The following SCOC variants were observed in gnomAD, a reference collection of about 807,000 sequenced individuals.
The protein encoded by SCOC is short coiled-coil protein.
Under a neutral mutation model 9.9 loss-of-function variants are expected in SCOC, and 7 were observed. That is an observed-to-expected ratio of 0.71 (90% CI 0.40 to 1.33). SCOC has a LOEUF of 1.33. Ranked by LOEUF, SCOC falls within the 40% of genes most tolerant of loss-of-function variation. The pLI is 0.01. For missense variants in SCOC, 66 were observed against 89.7 expected, an observed-to-expected ratio of 0.74 and a Z score of 1.07; for synonymous variants, 19 against 28.2, an observed-to-expected ratio of 0.67 and a Z score of 1.03.
In SCOC at chr4:140,348,577, C is replaced by CACACACACAT. The variant is rs78917681; in HGVS notation, c.70+4869_70+4870insACACACACAT. Among the ~76,000 whole-genome samples the CACACACACAT allele has an allele frequency of 8.2e-3, 1,234 of 151,282 alleles. 14 individuals are homozygous for CACACACACAT. Among genetic ancestry groups the CACACACACAT allele is most frequent in the African/African-American group, 0.029 (1,199 of 41,174 alleles). On this transcript the variant is annotated intron_variant, in intron 2 of 4. Coordinates refer to the SCOC transcript ENST00000338517. The stretch of plus-strand genomic sequence containing the variant: ...GTGTGTATATATATGTATATATATA[C>CACACACACAT]GCACACACACACACATCACATTTTC...
At chr4:140,261,677 G>A (rs1305114375) in intron 1 of SCOC, among the ~76,000 whole-genome samples, 2 of 152,234 alleles carry the variant, frequency 1.3e-5, no homozygotes, top group Non-Finnish European at 2.9e-5. Context: ...GATGCATCAT[G>A]TACCAGTTAC....
intron 1 of SCOC, among the ~76,000 whole-genome samples, chr4:140,270,378 G>A (rs1560675824): frequency 6.6e-6 from 1 of 152,022 alleles, no homozygotes; most frequent in Non-Finnish European, 1.5e-5. Context: ...TTATCACCCA[G>A]GCTAGAATGC....
At chr4:140,337,579 C>A (rs1246339895) in intron 1 of SCOC, among the ~76,000 whole-genome samples, 1 of 151,824 alleles carries the variant, frequency 6.6e-6, no homozygotes, top group Non-Finnish European at 1.5e-5. Context: ...AATGTAGAGA[C>A]AAGAATCAAA....
intron 2 of SCOC, among the ~76,000 whole-genome samples, chr4:140,356,841 CTATT>C (rs1004182558): frequency 4.6e-5 from 7 of 152,136 alleles, no homozygotes; most frequent in African/African-American, 7.2e-5. Context: ...TCACATCAAA[CTATT>C]TATTTATTTA....
At chr4:140,270,432 C>G (rs924807738) in intron 1 of SCOC, among the ~76,000 whole-genome samples, 3 of 152,126 alleles carry the variant, frequency 2.0e-5, no homozygotes, top group Non-Finnish European at 4.4e-5. Context: ...CTTCCAGGCT[C>G]AAGGGATCCT....
Position 140,362,147 on chromosome 4 carries a change from CATATCT to C in SCOC, c.71-16973_71-16968del, listed in dbSNP as rs138791079. 1.7e-3 allele frequency among the ~76,000 whole-genome samples: 258 copies of C among 151,478 alleles called. 2 individuals carry two copies. The East Asian group carries it at 0.042, about 25-fold the overall frequency. ...TGAAGAAGGAAAGAGAGAGCCTGGC[CATATCT>C]TTGCTTCACACTGGGCATGATTTGC... On this transcript the variant is annotated intron_variant, in intron 2 of 4. Coordinates refer to the SCOC transcript ENST00000338517.
intron 1 of SCOC, among the ~76,000 whole-genome samples, chr4:140,334,563 T>C (rs1272324964): frequency 6.6e-6 from 1 of 152,186 alleles, no homozygotes; most frequent in African/African-American, 2.4e-5. Context: ...GAAACTGTTT[T>C]TTTTCCTAAT....
chr4:140,367,211 TG>T (rs766440345), intron 2 of SCOC, among the ~76,000 whole-genome samples: 16 of 151,994 alleles, frequency 1.1e-4, no homozygotes, highest in Middle Eastern at 6.8e-3. Context: ...CACACCAGCC[TG>T]GGTGACAGAG....
chr4:140,362,142 C>T (rs1025431989), intron 2 of SCOC, among the ~76,000 whole-genome samples: 1 of 151,380 alleles, frequency 6.6e-6, no homozygotes, highest in Non-Finnish European at 1.5e-5. Context: ...AAGAGAGAGC[C>T]TGGCCATATC....
At chr4:140,355,707 C>T (rs1016919547) in intron 2 of SCOC, among the ~76,000 whole-genome samples, 4 of 152,144 alleles carry the variant, frequency 2.6e-5, no homozygotes, top group Non-Finnish European at 4.4e-5. Flanking sequence ...AGCCCAGAGG[C>T]TCTCTACCAA....
intron 1 of SCOC, among the ~76,000 whole-genome samples, chr4:140,262,163 G>A (rs1263252908): frequency 2.6e-5 from 4 of 152,140 alleles, no homozygotes; most frequent in African/African-American, 4.8e-5. Flanking sequence ...AGTTTGACCA[G>A]GGTCTCTATT....
In SCOC at chr4:140,272,997, A is replaced by G. The variant is rs6831581; in HGVS notation, c.-19+15587A>G. 3.2e-3 allele frequency among the ~76,000 whole-genome samples: 486 copies of G among 152,324 alleles called. 3 individuals carry two copies. The highest frequency in any genetic ancestry group is 0.011 in the African/African-American group (465 of 41,574). On this transcript the variant is annotated intron_variant, in intron 1 of 4. Coordinates refer to the SCOC transcript ENST00000394205. ...CTGTTTCTAACCTTCCGCCATGTTC[A>G]GAGAAAACAAACACCCAGCTCTTCT...
chr4:140,346,512 A>G (rs1181276519), intron 2 of SCOC, among the ~76,000 whole-genome samples: 2 of 152,130 alleles, frequency 1.3e-5, no homozygotes, highest in Non-Finnish European at 2.9e-5. Context: ...AAGGCGAGAG[A>G]AAGGAGAAGG....
intron 2 of SCOC, among the ~76,000 whole-genome samples, chr4:140,362,322 G>C (rs1204203899): frequency 2.5e-4 from 1 of 4,080 alleles, no homozygotes; most frequent in Non-Finnish European, 5.1e-4. Flanking sequence ...TTTTGTGAGA[G>C]TCTCGCTCTG....
chr4:140,348,639 A>G (rs972784814), intron 2 of SCOC, among the ~76,000 whole-genome samples: 1 of 152,044 alleles, frequency 6.6e-6, no homozygotes, highest in East Asian at 1.9e-4. Context: ...GGTTGTTTCC[A>G]TATCTTGGCT....
At position 140,379,738 on chromosome 4, in the gene SCOC, G is replaced by A. The variant is rs1289032879; in HGVS notation, c.106+86G>A. The A allele has an allele frequency of 1.3e-5, 12 of 943,090 alleles. No homozygotes were observed. In the South Asian group the frequency reaches 1.6e-4, roughly 13 times the overall value. 58.4% of individuals were successfully genotyped at this position (943,090 alleles called of 1,614,324 possible). A position where few individuals can be genotyped will look rare whatever the true frequency, so the allele number is the denominator to read the frequency against. On this transcript the variant is annotated intron_variant, in intron 3 of 3. Transcript: ENST00000608372. Reference sequence around the variant, plus strand: ...TATATTGCTAAATTTTGTTTGTTAGGATGTATAATTTTTAAAAGAATGAAC... The same window carrying A: ...TATATTGCTAAATTTTGTTTGTTAGAATGTATAATTTTTAAAAGAATGAAC...
intron 1 of SCOC, among the ~76,000 whole-genome samples, chr4:140,278,944 C>T (rs1448949075): frequency 1.3e-5 from 2 of 151,028 alleles, no homozygotes; most frequent in Admixed American, 6.6e-5. Flanking sequence ...TCTCCTTCCC[C>T]AGGGATGAAG....
At chr4:140,330,133 A>C (rs1732769697) in intron 1 of SCOC, among the ~76,000 whole-genome samples, 1 of 152,220 alleles carries the variant, frequency 6.6e-6, no homozygotes, top group Non-Finnish European at 1.5e-5. Context: ...ATAAAAAGAA[A>C]TAATGGCATT....
At chr4:140,375,754 C>T (rs1010618146) in intron 1 of SCOC, among the ~76,000 whole-genome samples, 2 of 152,172 alleles carry the variant, frequency 1.3e-5, no homozygotes, top group African/African-American at 4.8e-5. Flanking sequence ...TCTAGATTCC[C>T]TTCCACTAAC....
Sources: gnomAD v4.1 joint callset for allele counts (sites outside exome capture counted in the v4.1 genomes callset) on GRCh38, gnomAD v4.1.1 for gene constraint, MANE v1.5 for transcripts, NCBI Gene and HGNC (gene_info 2026-07-23, HGNC 2026-07-21) for gene names.